MAPKAPK2: variants seen among roughly 807,000 people sequenced by gnomAD.
The protein encoded by MAPKAPK2 is MAP kinase-activated protein kinase 2.
Under a neutral mutation model 48.8 loss-of-function variants are expected in MAPKAPK2, and 9 were observed. The observed-to-expected ratio is 0.18, with a 90% confidence interval of 0.11 to 0.32. The LOEUF is 0.32. Among genes scored for constraint, MAPKAPK2 ranks in the 10% least tolerant of loss-of-function variants. MAPKAPK2 has a pLI of 1.00. For missense variants in MAPKAPK2, 331 were observed against 498.3 expected (o/e 0.66, Z 3.20); for synonymous variants, 202 against 190.6 (o/e 1.06, Z -0.49).
intron 5 of MAPKAPK2, among the ~76,000 whole-genome samples, chr1:206,730,346 AGTCTGGACCCAG>A (rs782554896): frequency 9.2e-5 from 14 of 152,174 alleles, no homozygotes; most frequent in Admixed American, 2.6e-4. Flanking sequence ...TTCTCCATGG[AGTCTGGACCCAG>A]GTCTTGTTCT....
At chr1:206,712,962 T>TCTCACACACACA (rs1553429738) in intron 1 of MAPKAPK2, among the ~76,000 whole-genome samples, 15 of 112,230 alleles carry the variant, frequency 1.3e-4, no homozygotes, top group Non-Finnish European at 1.6e-4. Flanking sequence ...TGAGACTCCA[T>TCTCACACACACA]CACACACACA....
At chr1:206,715,515 T>G (rs1330312948) in intron 1 of MAPKAPK2, among the ~76,000 whole-genome samples, 1 of 152,246 alleles carries the variant, frequency 6.6e-6, no homozygotes, top group Non-Finnish European at 1.5e-5. Flanking sequence ...AGAATTCACT[T>G]TTTAGAGACT....
chr1:206,729,948 A>G (rs370083900), intron 4 of MAPKAPK2, 24 bp from the exon 5 acceptor site: 37 of 1,613,894 alleles, frequency 2.3e-5, no homozygotes, highest in Admixed American at 1.8e-4. Context: ...CAGGGTTGCT[A>G]TTTTTCTGTC....
At chr1:206,686,071 A>T (rs1672278939) in intron 1 of MAPKAPK2, among the ~76,000 whole-genome samples, 1 of 151,868 alleles carries the variant, frequency 6.6e-6, no homozygotes. Flanking sequence ...GCCGGGCAGG[A>T]GGTGTGCGGC....
intron 1 of MAPKAPK2, among the ~76,000 whole-genome samples, chr1:206,691,487 A>ATG (rs1672453019): frequency 7.9e-6 from 1 of 126,816 alleles, no homozygotes; most frequent in Non-Finnish European, 1.7e-5. Context: ...TTTAAGATAT[A>ATG]TATATATATA....
intron 1 of MAPKAPK2, among the ~76,000 whole-genome samples, chr1:206,714,944 G>C (rs1553430115): frequency 1.3e-5 from 2 of 152,230 alleles, no homozygotes; most frequent in South Asian, 2.1e-4. Context: ...GGTTTCGAGA[G>C]AATGTGTGCT....
chr1:206,731,775 G>A lies in MAPKAPK2; in HGVS notation c.978+50G>A, dbSNP rs782746203. On this transcript the variant is annotated intron_variant, in intron 8 of 9. Coordinates refer to ENST00000367103, the MANE Select transcript of MAPKAPK2 (RefSeq NM_032960.4). This position sits in a 1 kb window ranked among gnomAD's most constrained non-coding sequence, Gnocchi z 5.9. ...TTGGGTCTCACGGGACTATTCCACA[G>A]GACAGAGTCTTAGCCAGGACCCTAC... is the stretch of plus-strand genomic sequence containing the variant. The A allele has an allele frequency of 6.2e-7, 1 of 1,611,412 alleles. No individual in the cohort carries two copies. The highest frequency in any genetic ancestry group is 1.1e-5 in the South Asian group (1 of 91,020).
At position 206,711,959 on chromosome 1, in the gene MAPKAPK2, C is replaced by G. The variant is rs1467208063; in HGVS notation, c.280-16751C>G. Among the ~76,000 whole-genome samples the G allele has an allele frequency of 2.8e-4, 43 of 151,688 alleles. 1 individual carries two copies. On this transcript the variant is annotated intron_variant, in intron 1 of 9. Transcript: ENST00000367103. The stretch of plus-strand genomic sequence containing the variant: ...TAACAGCTGTTTAGTTTATTTCCTT[C>G]TGTCCCCTAATTTGAAATAATGCTA...
chr1:206,733,539 G>A lies in MAPKAPK2; in HGVS notation c.*821G>A. The stretch of plus-strand genomic sequence containing the variant: ...GCTGGGTTCCGGGAGGCAGAGAGGA[G>A]TGACCGGGCACTGGCACTGCGATCA... On this transcript the variant is annotated 3_prime_UTR_variant, in exon 10 of 10. Transcript: ENST00000367103. The A allele has an allele frequency of 6.6e-6, 1 of 152,476 alleles. No homozygotes were observed. The highest frequency in any genetic ancestry group is 1.9e-4 in the East Asian group (1 of 5,188). The allele number at this position is 152,476 out of a possible 1,614,324, so 9.4% of individuals were successfully genotyped here.
chr1:206,697,837 C>T (rs545883435), intron 1 of MAPKAPK2, among the ~76,000 whole-genome samples: 29 of 152,398 alleles, frequency 1.9e-4, no homozygotes, highest in Middle Eastern at 6.8e-3. Flanking sequence ...GAACCTGACA[C>T]TAGACTGGAA....
intron 1 of MAPKAPK2, among the ~76,000 whole-genome samples, chr1:206,716,650 C>T (rs782011719): frequency 1.3e-5 from 2 of 152,112 alleles, no homozygotes; most frequent in Non-Finnish European, 2.9e-5. Context: ...TTGCTTTTGT[C>T]GCTTCAAAGT....
At chr1:206,688,377 G>A (rs941418836) in intron 1 of MAPKAPK2, among the ~76,000 whole-genome samples, 24 of 152,248 alleles carry the variant, frequency 1.6e-4, no homozygotes, top group African/African-American at 5.1e-4. Flanking sequence ...ACGGGCTCAG[G>A]CACATGGCCA....
At position 206,734,217 on chromosome 1, in the gene MAPKAPK2, C is replaced by T. The variant is rs1167095107; in HGVS notation, c.*1499C>T. ...CTTGTCTCAGATGGTGTGTCCAGCA[C>T]TCGATTGTTGTAAACTGTTGTTTTG... On this transcript the variant is annotated 3_prime_UTR_variant, in exon 10 of 10. Transcript: ENST00000367103. 1 of 152,836 alleles carries T rather than the reference C, an allele frequency of 6.5e-6. No homozygotes were observed. The highest frequency in any genetic ancestry group is 1.5e-5 in the Non-Finnish European group (1 of 68,054). The allele number at this position is 152,836 out of a possible 1,614,324, so 9.5% of individuals were successfully genotyped here. A position where few individuals can be genotyped will look rare whatever the true frequency, so the allele number is the denominator to read the frequency against.
At chr1:206,699,251 G>C (rs1162019585) in intron 1 of MAPKAPK2, among the ~76,000 whole-genome samples, 6 of 152,154 alleles carry the variant, frequency 3.9e-5, no homozygotes, top group Non-Finnish European at 8.8e-5. Context: ...AGAGTTTCAG[G>C]GAGTGGGTGG....
chr1:206,729,356 G>C, intron 3 of MAPKAPK2, 40 bp from the exon 4 acceptor site: 2 of 1,533,652 alleles, frequency 1.3e-6, no homozygotes, highest in East Asian at 2.2e-5. Context: ...ATGTGTCTTT[G>C]TGACTTTCTT....
At chr1:206,687,900 C>A (rs1353220704) in intron 1 of MAPKAPK2, among the ~76,000 whole-genome samples, 1 of 152,196 alleles carries the variant, frequency 6.6e-6, no homozygotes, top group Non-Finnish European at 1.5e-5. Flanking sequence ...AGGGCAGGAG[C>A]CCAGCCTCTG....
chr1:206,732,525 C>T lies in MAPKAPK2; in HGVS notation c.1060-50C>T. ...CGTCTCTCTTCTGCTGTCTCTCCTA[C>T]CTGTCTTCTGGCTCTCTCTGTACCC... On this transcript the variant is annotated intron_variant, in intron 9 of 9. Coordinates refer to ENST00000367103, the MANE Select transcript of MAPKAPK2 (RefSeq NM_032960.4). The surrounding 1 kb of genome is among the most constrained non-coding windows in gnomAD (Gnocchi z 4.4). 5 of 1,603,618 alleles carry T rather than the reference C, an allele frequency of 3.1e-6. No individual in the cohort carries two copies. The highest frequency in any genetic ancestry group is 4.3e-6 in the Non-Finnish European group (5 of 1,173,202).
At chr1:206,728,509 A>G (rs1553432132) in intron 1 of MAPKAPK2, among the ~76,000 whole-genome samples, 1 of 150,970 alleles carries the variant, frequency 6.6e-6, no homozygotes, top group African/African-American at 2.4e-5. Flanking sequence ...CAAGGCCCCA[A>G]GAGAGTCATC....
chr1:206,731,399 C>T lies in MAPKAPK2; in HGVS notation c.892+137C>T. On this transcript the variant is annotated intron_variant, in intron 7 of 9. Coordinates refer to ENST00000367103, the MANE Select transcript of MAPKAPK2 (RefSeq NM_032960.4). The surrounding 1 kb of genome is among the most constrained non-coding windows in gnomAD (Gnocchi z 5.9). The stretch of plus-strand genomic sequence containing the variant: ...CTGTGGGTTAGCACCTATGCCCACG[C>T]CTGCGGGGTGCGTCCTGCTTCATTT... 1 of 1,468,204 alleles carries T rather than the reference C, an allele frequency of 6.8e-7. No individual in the cohort carries two copies. The highest frequency in any genetic ancestry group is 9.2e-7 in the Non-Finnish European group (1 of 1,087,856). The allele number at this position is 1,468,204 out of a possible 1,614,324, so 90.9% of individuals were successfully genotyped here.
Sources: allele counts gnomAD v4.1 joint callset (sites outside exome capture counted in the v4.1 genomes callset), GRCh38; gene constraint gnomAD v4.1.1; non-coding constraint Gnocchi (gnomAD v3.1); transcripts MANE v1.5; gene names NCBI Gene and HGNC (gene_info 2026-07-23, HGNC 2026-07-21).